The following PPM1E variants were observed in gnomAD, a reference collection of about 807,000 sequenced individuals.
PPM1E encodes the protein protein phosphatase 1E.
In PPM1E, 20 loss-of-function variants were observed where a neutral mutation model predicts 65.9. That is an observed-to-expected ratio of 0.30 (90% CI 0.21 to 0.44). The LOEUF is 0.44. PPM1E is among the 20% of genes least tolerant of loss of function. The pLI, the probability that PPM1E is intolerant of heterozygous loss-of-function variation, is 1.00. For synonymous variants in PPM1E, 352 were observed against 374.9 expected (o/e 0.94, Z 0.70); for missense variants, 713 against 953.1 (o/e 0.75, Z 3.32).
rs769926810 is a variant in PPM1E at position 58,969,698 on chromosome 17, G to A, written c.943G>A (p.Glu315Lys). The change falls in exon 4 of 7, where the codon GAG (glutamate) becomes AAG (lysine). Residue 315 changes from glutamate (E) to lysine (K), a missense_variant. This residue lies in a region of PPM1E where 88 missense variants were observed against 231.1 expected (regional missense o/e 0.38). Transcript: ENST00000308249. ...GTGCAGGGCCTTCCGGGTCACTGAT[G>A]AGCGGTTTGTGCAGAAAGCAGCCAG... ...ALCRAFRVTD[E>K]RFVQKAARES... 4 of 1,614,172 alleles carry A rather than the reference G, an allele frequency of 2.5e-6. No homozygotes were observed. In the South Asian group the frequency reaches 3.3e-5, roughly 13 times the overall value.
At chr17:58,779,175 ATTT>A (rs57635808) in intron 1 of PPM1E, among the ~76,000 whole-genome samples, 3 of 131,716 alleles carry the variant, frequency 2.3e-5, no homozygotes. Flanking sequence ...ATGAATTCTG[ATTT>A]TTTTTTTTTT....
intron 1 of PPM1E, chr17:58,899,739 T>C (rs2051475239): frequency 6.3e-6 from 1 of 158,012 alleles, no homozygotes; most frequent in East Asian, 1.8e-4. Flanking sequence ...AAAAGAAAAT[T>C]CGTGATTCAT....
chr17:58,959,047 G>A (rs939349843), intron 2 of PPM1E, among the ~76,000 whole-genome samples: 1 of 152,070 alleles, frequency 6.6e-6, no homozygotes, highest in African/African-American at 2.4e-5. Context: ...TGGTGGCTAC[G>A]TCTGTAATCC....
chr17:58,779,078 A>G (rs1373256620), intron 1 of PPM1E, among the ~76,000 whole-genome samples: 1 of 151,240 alleles, frequency 6.6e-6, no homozygotes, highest in East Asian at 1.9e-4. Context: ...CTCAAAATTC[A>G]CAGTAGGAGA....
At chr17:58,844,118 A>G (rs1377397842) in intron 1 of PPM1E, among the ~76,000 whole-genome samples, 1 of 152,130 alleles carries the variant, frequency 6.6e-6, no homozygotes, top group African/African-American at 2.4e-5. Flanking sequence ...TTCAACTGTC[A>G]TTTTACTGAA....
intron 1 of PPM1E, among the ~76,000 whole-genome samples, chr17:58,833,816 C>T (rs973732553): frequency 2.5e-4 from 38 of 152,286 alleles, no homozygotes; most frequent in African/African-American, 8.4e-4. Flanking sequence ...CTTCAAACTG[C>T]TTTCCATAGT....
chr17:58,933,997 A>G (rs1022522920), intron 1 of PPM1E, among the ~76,000 whole-genome samples: 1 of 151,358 alleles, frequency 6.6e-6, no homozygotes, highest in African/African-American at 2.4e-5. Context: ...TCGGAGGCTG[A>G]CGCAGGAGAA....
intron 1 of PPM1E, among the ~76,000 whole-genome samples, chr17:58,876,677 CATT>C (rs2051130128): frequency 1.3e-5 from 2 of 152,148 alleles, no homozygotes; most frequent in African/African-American, 4.8e-5. Context: ...ATAATTAAAA[CATT>C]ATAATATTGG....
intron 1 of PPM1E, among the ~76,000 whole-genome samples, chr17:58,833,564 C>CT (rs1598600070): frequency 6.6e-6 from 1 of 151,834 alleles, no homozygotes; most frequent in South Asian, 2.1e-4. Context: ...TGATTTTGTT[C>CT]TTTTTTTATG....
intron 3 of PPM1E, 182 bp downstream of exon 3, chr17:58,966,075 A>G: frequency 1.6e-6 from 1 of 634,458 alleles, no homozygotes; most frequent in South Asian, 2.0e-5. Context: ...GTTCTTTTGA[A>G]TAGGTAATGC....
chr17:58,944,303 CACA>C (rs2052114411), intron 1 of PPM1E, among the ~76,000 whole-genome samples: 1 of 152,160 alleles, frequency 6.6e-6, no homozygotes, highest in African/African-American at 2.4e-5. Flanking sequence ...ACTAACTGAT[CACA>C]ACCAGTCATA....
intron 1 of PPM1E, among the ~76,000 whole-genome samples, chr17:58,886,234 G>T (rs1352074108): frequency 6.6e-6 from 1 of 152,154 alleles, no homozygotes; most frequent in African/African-American, 2.4e-5. Flanking sequence ...ACATATGCTT[G>T]ATCTTCCTTT....
At chr17:58,965,950 T>C in intron 3 of PPM1E, 57 bp downstream of exon 3, 2 of 1,522,816 alleles carry the variant, frequency 1.3e-6, no homozygotes, top group Non-Finnish European at 1.8e-6. Flanking sequence ...AACACCTTCA[T>C]GGTCCTGTTA....
chr17:58,761,096 G>A (rs2049816595), intron 1 of PPM1E, among the ~76,000 whole-genome samples: 1 of 152,120 alleles, frequency 6.6e-6, no homozygotes, highest in Admixed American at 6.6e-5. Flanking sequence ...TAAAGAGATG[G>A]GGTCTCACTA....
intron 4 of PPM1E, among the ~76,000 whole-genome samples, chr17:58,970,437 G>T (rs1399511601): frequency 2.0e-5 from 3 of 151,988 alleles, no homozygotes; most frequent in Admixed American, 6.6e-5. Flanking sequence ...ACGAATAAAA[G>T]AATTTTTAAT....
intron 1 of PPM1E, among the ~76,000 whole-genome samples, chr17:58,832,911 C>G (rs559839962): frequency 6.6e-6 from 1 of 152,206 alleles, no homozygotes; most frequent in East Asian, 1.9e-4. Flanking sequence ...CTCCTGGGAA[C>G]AAGCGATTCT....
At chr17:58,798,230 GTT>G (rs980535079) in intron 1 of PPM1E, among the ~76,000 whole-genome samples, 2 of 130,036 alleles carry the variant, frequency 1.5e-5, no homozygotes, top group Admixed American at 7.9e-5. Context: ...TTTTTTGTTT[GTT>G]TTTTTTTTTT....
chr17:58,844,619 G>T (rs1277734493), intron 1 of PPM1E, among the ~76,000 whole-genome samples: 1 of 152,110 alleles, frequency 6.6e-6, no homozygotes, highest in East Asian at 1.9e-4. Flanking sequence ...CCCCACATGG[G>T]GCTTTTGAAG....
intron 1 of PPM1E, among the ~76,000 whole-genome samples, chr17:58,843,824 T>C (rs2050745058): frequency 6.6e-6 from 1 of 152,120 alleles, no homozygotes; most frequent in East Asian, 1.9e-4. Flanking sequence ...AGCTAGACCC[T>C]GTCTCAAAAC....
Sources: gnomAD v4.1 joint callset for allele counts (sites outside exome capture counted in the v4.1 genomes callset) on GRCh38, gnomAD v4.1.1 for gene constraint, gnomAD v4.1.1 regional missense constraint, MANE v1.5 for transcripts, NCBI Gene and HGNC (gene_info 2026-07-23, HGNC 2026-07-21) for gene names.